Variants in IFT80 observed in about 807,000 individuals in gnomAD.
The protein encoded by IFT80 is intraflagellar transport protein 80 homolog.
IFT80 carries 79 observed loss-of-function variants against 107.9 expected under a neutral mutation model. The ratio of observed to expected loss-of-function variants is 0.73; its 90% CI spans 0.61 to 0.88. The LOEUF is 0.88. Ranked by LOEUF, IFT80 falls within the 40% of genes least tolerant of loss-of-function variation. IFT80 has a pLI of 0.00. For synonymous variants in IFT80, 299 were observed against 300.9 expected (o/e 0.99, Z 0.07); for missense variants, 797 against 914.2 (o/e 0.87, Z 1.65).
Position 160,303,980 on chromosome 3 carries a change from G to A in IFT80, c.1086C>T (p.Asn362=), listed in dbSNP as rs1438469682. The A allele has an allele frequency of 3.7e-6, 6 of 1,607,914 alleles. No homozygotes were observed. In the African/African-American group the frequency reaches 6.7e-5, roughly 18 times the overall value. Residue 362 remains asparagine (N), a synonymous_variant, in exon 11 of 20, where the codon AAC becomes AAT. Coordinates refer to ENST00000326448, the MANE Select transcript of IFT80 (RefSeq NM_020800.3). ...GATCAAATATAATTGGTGTGTTCCAGTTCTTCGTGCTAAAAGACAAGTAAA... is the reference window on the plus strand; with the variant it reads ...GATCAAATATAATTGGTGTGTTCCAATTCTTCGTGCTAAAAGACAAGTAAA... The part of the protein sequence containing the change: ...SLQCYVFSTK[N]WNTPIIFDLK...
At chr3:160,354,204 A>C (rs1346479673) in intron 8 of IFT80, among the ~76,000 whole-genome samples, 1 of 152,206 alleles carries the variant, frequency 6.6e-6, no homozygotes, top group Admixed American at 6.5e-5. Flanking sequence ...AAGCTCCTTA[A>C]GTGATTAGAT....
intron 1 of IFT80, among the ~76,000 whole-genome samples, chr3:160,391,175 A>C (rs996680442): frequency 6.6e-6 from 1 of 152,152 alleles, no homozygotes; most frequent in African/African-American, 2.4e-5. Flanking sequence ...TGCTTCAATA[A>C]AAGTTGCTGT....
intron 8 of IFT80, chr3:160,342,683 A>G (rs931874854): frequency 2.0e-5 from 3 of 152,522 alleles, no homozygotes; most frequent in African/African-American, 7.2e-5. Context: ...TAAAAGGGAA[A>G]TATGCTGGAA....
intron 3 of IFT80, among the ~76,000 whole-genome samples, chr3:160,380,456 C>T (rs1051447714): frequency 2.6e-5 from 4 of 152,132 alleles, no homozygotes; most frequent in Admixed American, 6.6e-5. Context: ...TCATACTCAC[C>T]ATCATGTTCA....
intron 19 of IFT80, among the ~76,000 whole-genome samples, chr3:160,263,021 C>T (rs922057724): frequency 6.6e-6 from 1 of 152,148 alleles, no homozygotes; most frequent in Non-Finnish European, 1.5e-5. Flanking sequence ...CTGCTAGATA[C>T]CTCCTTCTGG....
In IFT80 at chr3:160,357,561, G is replaced by A; in HGVS notation, c.567C>T (p.Gly189=). Reference sequence around the variant, plus strand: ...AGTTCCAATCTACTTTTAAAATAATGCCATCATGAGCTTTCCACTGTGAGA... The same window carrying A: ...AGTTCCAATCTACTTTTAAAATAATACCATCATGAGCTTTCCACTGTGAGA... ...AKVLQWKAHD[G]IILKVDWNSV... is the part of the protein sequence containing the mutation. Residue 189 remains glycine, a synonymous_variant, in exon 7 of 20, where the codon GGC becomes GGT. Transcript: ENST00000326448. 4.4e-6 allele frequency: 7 copies of A among 1,595,094 alleles called. No individual in the cohort carries two copies. The highest frequency in any genetic ancestry group is 6.0e-6 in the Non-Finnish European group (7 of 1,163,396).
At chr3:160,264,601 T>G (rs1427641741) in intron 19 of IFT80, among the ~76,000 whole-genome samples, 1 of 108,782 alleles carries the variant, frequency 9.2e-6, no homozygotes, top group South Asian at 2.4e-4. Flanking sequence ...CCAGCTAACT[T>G]TTTTTTTTTT....
chr3:160,272,669 T>G (rs2108217367), intron 18 of IFT80, among the ~76,000 whole-genome samples: 1 of 152,312 alleles, frequency 6.6e-6, no homozygotes, highest in South Asian at 2.1e-4. Flanking sequence ...TCAGCCATAC[T>G]CATGGCCTCA....
chr3:160,262,508 CA>C (rs959142170), intron 19 of IFT80, among the ~76,000 whole-genome samples: 21 of 151,892 alleles, frequency 1.4e-4, no homozygotes, highest in Non-Finnish European at 2.6e-4. Flanking sequence ...TTTTTAGAGA[CA>C]AGGTCTCACT....
At chr3:160,334,881 G>A (rs1355477375) in intron 8 of IFT80, among the ~76,000 whole-genome samples, 2 of 149,636 alleles carry the variant, frequency 1.3e-5, no homozygotes, top group African/African-American at 4.9e-5. Flanking sequence ...TAGATTTCCT[G>A]ACTTACACAG....
intron 8 of IFT80, among the ~76,000 whole-genome samples, chr3:160,320,705 C>T (rs1400491417): frequency 6.6e-6 from 1 of 151,780 alleles, no homozygotes; most frequent in East Asian, 1.9e-4. Flanking sequence ...TCCAGCCTTA[C>T]AGCGTATAAT....
intron 19 of IFT80, 113 bp from the exon 20 acceptor site, chr3:160,258,748 G>T (rs1255776490): frequency 7.8e-7 from 1 of 1,286,198 alleles, no homozygotes; most frequent in African/African-American, 1.5e-5. Context: ...AAAGATTAGA[G>T]AAAAAGAGAG....
intron 9 of IFT80, among the ~76,000 whole-genome samples, chr3:160,313,877 G>A (rs1717595728): frequency 6.6e-6 from 1 of 151,978 alleles, no homozygotes; most frequent in African/African-American, 2.4e-5. Flanking sequence ...CAAAGTGCTG[G>A]GATGATAGGT....
intron 6 of IFT80, among the ~76,000 whole-genome samples, chr3:160,357,918 A>C (rs1721210300): frequency 6.6e-6 from 1 of 152,210 alleles, no homozygotes. Flanking sequence ...TATTCCAAAA[A>C]TGTCAACTGA....
chr3:160,308,888 G>A (rs1401127553), intron 9 of IFT80, among the ~76,000 whole-genome samples: 1 of 152,136 alleles, frequency 6.6e-6, no homozygotes, highest in Admixed American at 6.5e-5. Context: ...TCTTATAAAA[G>A]AGGACCCAGA....
chr3:160,336,990 T>G (rs548421619), intron 8 of IFT80, among the ~76,000 whole-genome samples: 1 of 152,242 alleles, frequency 6.6e-6, no homozygotes, highest in African/African-American at 2.4e-5. Context: ...CTTTTCTCCA[T>G]ATCTGATTTT....
chr3:160,301,637 C>T (rs1185403972), intron 11 of IFT80, among the ~76,000 whole-genome samples: 2 of 151,698 alleles, frequency 1.3e-5, no homozygotes, highest in African/African-American at 4.8e-5. Context: ...TATTTTTTTG[C>T]CACAGGGTCA....
At chr3:160,380,559 A>C (rs767171855) in intron 3 of IFT80, among the ~76,000 whole-genome samples, 26 of 151,938 alleles carry the variant, frequency 1.7e-4, no homozygotes, top group Non-Finnish European at 2.9e-4. Flanking sequence ...GAACCAAAAA[A>C]CTCCATTTGT....
chr3:160,354,040 T>C (rs981029220), intron 8 of IFT80, among the ~76,000 whole-genome samples: 3 of 152,146 alleles, frequency 2.0e-5, no homozygotes, highest in African/African-American at 4.8e-5. Flanking sequence ...GTACAGATAA[T>C]ACAGAATTAT....
Sources: gnomAD v4.1 joint callset for allele counts (sites outside exome capture counted in the v4.1 genomes callset) on GRCh38, gnomAD v4.1.1 for gene constraint, MANE v1.5 for transcripts, NCBI Gene and HGNC (gene_info 2026-07-23, HGNC 2026-07-21) for gene names.